SMOC1: variants seen among roughly 807,000 people sequenced by gnomAD.
SMOC1 encodes SPARC related modular calcium binding 1.
SMOC1 carries 22 observed loss-of-function variants against 56.3 expected under a neutral mutation model. That is an observed-to-expected ratio of 0.39 (90% CI 0.28 to 0.56). The LOEUF (loss-of-function observed/expected upper bound fraction) is 0.56. SMOC1 is among the 20% of genes least tolerant of loss of function. The pLI is 0.61. For missense variants in SMOC1, 509 were observed against 565.4 expected (o/e 0.90, Z 1.01); for synonymous variants, 193 against 215.0 (o/e 0.90, Z 0.89).
At position 69,939,995 on chromosome 14, in the gene SMOC1, C is replaced by T. The variant is rs61980652; in HGVS notation, c.100-12143C>T. Among the ~76,000 whole-genome samples the T allele has an allele frequency of 6.7e-4, 102 of 152,240 alleles. 1 individual carries two copies. The highest frequency in any genetic ancestry group is 9.4e-4 in the Non-Finnish European group (64 of 68,044). ...AGAAGGACCCACCTCATTTCTGTTTCTCTTTGCCATCTAGCTCTGTGAGTG... is the reference window on the plus strand; with the variant it reads ...AGAAGGACCCACCTCATTTCTGTTTTTCTTTGCCATCTAGCTCTGTGAGTG... On this transcript the variant is annotated intron_variant, in intron 1 of 11. Coordinates refer to ENST00000361956, the MANE Select transcript of SMOC1 (RefSeq NM_001034852.3).
At chr14:69,934,224 C>T (rs116377578) in intron 1 of SMOC1, among the ~76,000 whole-genome samples, 1,787 of 152,240 alleles carry the variant, frequency 0.012, 34 homozygotes, top group African/African-American at 0.041. Flanking sequence ...GCACCCCTTT[C>T]TTTGCTGTGT....
At chr14:70,017,261 C>T (rs78071811) in intron 10 of SMOC1, among the ~76,000 whole-genome samples, 5 of 152,124 alleles carry the variant, frequency 3.3e-5, no homozygotes, top group African/African-American at 1.2e-4. Flanking sequence ...AACCAGGGCC[C>T]GAGGGTACCC....
chr14:70,024,079 C>A (rs1885837191), intron 11 of SMOC1, among the ~76,000 whole-genome samples: 1 of 152,084 alleles, frequency 6.6e-6, no homozygotes, highest in Admixed American at 6.6e-5. Context: ...CTGACCAGAG[C>A]TCGGTCACTA....
chr14:69,910,145 C>G (rs1377817828), intron 1 of SMOC1, among the ~76,000 whole-genome samples: 2 of 152,186 alleles, frequency 1.3e-5, no homozygotes, highest in Non-Finnish European at 2.9e-5. Context: ...TTTTATGGAT[C>G]AAGTCCTATG....
chr14:69,940,470 A>G (rs1477088642), intron 1 of SMOC1, among the ~76,000 whole-genome samples: 1 of 152,206 alleles, frequency 6.6e-6, no homozygotes, highest in Non-Finnish European at 1.5e-5. Flanking sequence ...GGATAACTTT[A>G]TAAGGAGTTA....
At chr14:69,975,869 T>G in intron 4 of SMOC1, 55 bp downstream of exon 4, 1 of 1,281,286 alleles carries the variant, frequency 7.8e-7, no homozygotes, top group Non-Finnish European at 1.1e-6. Flanking sequence ...ACCCGTTGGT[T>G]GGTCTCCTGC....
rs952440068 is a variant in SMOC1 at position 69,978,375 on chromosome 14, G to A, written c.526+410G>A. Among the ~76,000 whole-genome samples the A allele has an allele frequency of 3.3e-5, 5 of 152,108 alleles. No homozygotes were observed. The East Asian group carries it at 7.7e-4, about 23-fold the overall frequency. On this transcript the variant is annotated intron_variant, in intron 5 of 11. Coordinates refer to ENST00000361956, the MANE Select transcript of SMOC1 (RefSeq NM_001034852.3). ...CACATTTGGGCATTTTTCCCCCCTC[G>A]CTGATGCTCCTTCATAATTGTCCCA...
At chr14:69,882,151 T>A (rs376328830) in intron 1 of SMOC1, among the ~76,000 whole-genome samples, 1 of 152,204 alleles carries the variant, frequency 6.6e-6, no homozygotes, top group East Asian at 1.9e-4. Context: ...AGACTCCAGT[T>A]CTTTTCTATG....
At chr14:70,018,135 G>A (rs1365274296) in intron 10 of SMOC1, among the ~76,000 whole-genome samples, 1 of 152,120 alleles carries the variant, frequency 6.6e-6, no homozygotes, top group Non-Finnish European at 1.5e-5. Context: ...CAGGGCAGAA[G>A]GGAGCTGCAG....
intron 1 of SMOC1, among the ~76,000 whole-genome samples, chr14:69,902,429 A>T (rs1446190048): frequency 2.0e-5 from 3 of 152,094 alleles, no homozygotes; most frequent in Admixed American, 6.5e-5. Context: ...GATGGGGTCT[A>T]TTTCCACACC....
rs190356930 is a variant in SMOC1, at chr14:69,887,326, C to G, written c.99+7549C>G. On this transcript the variant is annotated intron_variant, in intron 1 of 11. Coordinates refer to ENST00000361956, the MANE Select transcript of SMOC1 (RefSeq NM_001034852.3). The stretch of plus-strand genomic sequence containing the variant: ...AAGCATAGTAAAGTAATGATGGATA[C>G]AGATTCAGGGTGAAGTTAGGGTGAG... Among the ~76,000 whole-genome samples the G allele has an allele frequency of 2.4e-3, 367 of 152,230 alleles. 6 individuals are homozygous for G. In the South Asian group the frequency reaches 0.029, roughly 12 times the overall value.
intron 7 of SMOC1, among the ~76,000 whole-genome samples, chr14:70,000,671 G>A (rs765199649): frequency 2.6e-5 from 4 of 152,144 alleles, no homozygotes; most frequent in African/African-American, 4.8e-5. Flanking sequence ...GTAGAATTTC[G>A]ATCTTGTTCT....
chr14:69,886,085 A>G (rs1215024869), intron 1 of SMOC1: 1 of 1,576,402 alleles, frequency 6.3e-7, no homozygotes, highest in East Asian at 2.2e-5. Flanking sequence ...CTGCTTCTTC[A>G]CGACAGCTGG....
intron 11 of SMOC1, among the ~76,000 whole-genome samples, chr14:70,027,327 G>A (rs762889672): frequency 5.3e-5 from 8 of 152,308 alleles, no homozygotes; most frequent in Middle Eastern, 3.4e-3. Flanking sequence ...TGAAGATGTC[G>A]CCTTGTGTGA....
At chr14:69,956,902 G>T (rs1263456093) in intron 3 of SMOC1, among the ~76,000 whole-genome samples, 2 of 152,174 alleles carry the variant, frequency 1.3e-5, no homozygotes, top group African/African-American at 4.8e-5. Context: ...ATGGGACACA[G>T]ACATTGTGTT....
intron 7 of SMOC1, among the ~76,000 whole-genome samples, chr14:70,005,646 T>G (rs1235647847): frequency 6.6e-6 from 1 of 152,204 alleles, no homozygotes; most frequent in African/African-American, 2.4e-5. Context: ...TCTATTGTGT[T>G]TCTTCTCTTA....
chr14:69,995,761 T>A (rs1884740149), intron 7 of SMOC1, among the ~76,000 whole-genome samples: 1 of 152,214 alleles, frequency 6.6e-6, no homozygotes, highest in Admixed American at 6.5e-5. Context: ...TACATATATT[T>A]ATTATTATCA....
At chr14:70,007,608 T>A (rs1885191730) in intron 7 of SMOC1, among the ~76,000 whole-genome samples, 1 of 152,172 alleles carries the variant, frequency 6.6e-6, no homozygotes, top group South Asian at 2.1e-4. Flanking sequence ...CTAGAGCAAA[T>A]GGTTAGAGGC....
Position 69,879,505 on chromosome 14 carries a change from G to T in SMOC1, c.-174G>T. 2.3e-6 allele frequency: 1 copy of T among 443,160 alleles called. No individual in the cohort carries two copies. The highest frequency in any genetic ancestry group is 5.8e-5 in the South Asian group (1 of 17,318). 27.5% of individuals were successfully genotyped at this position (443,160 alleles called of 1,614,324 possible). A position where few individuals can be genotyped will look rare whatever the true frequency, so the allele number is the denominator to read the frequency against. On this transcript the variant is annotated 5_prime_UTR_variant, in exon 1 of 12. Transcript: ENST00000361956. Reference sequence around the variant, plus strand: ...GCTCGCGCTCCAGCTCCCCTCCTGCGCGGTTCATGACTGTGTCCCCTGACC... The same window carrying T: ...GCTCGCGCTCCAGCTCCCCTCCTGCTCGGTTCATGACTGTGTCCCCTGACC...
Sources: allele counts gnomAD v4.1 joint callset (sites outside exome capture counted in the v4.1 genomes callset), GRCh38; gene constraint gnomAD v4.1.1; transcripts MANE v1.5; gene names NCBI Gene and HGNC (gene_info 2026-07-23, HGNC 2026-07-21).